SCN7A: variants seen among roughly 807,000 people sequenced by gnomAD.
SCN7A encodes the protein sodium channel protein type 7 subunit alpha.
In SCN7A, 138 loss-of-function variants were observed where a neutral mutation model predicts 155.2. The observed-to-expected ratio is 0.89, with a 90% CI of 0.77 to 1.02. The LOEUF (loss-of-function observed/expected upper bound fraction) is 1.02. SCN7A is among the 50% of genes least tolerant of loss of function. The pLI, the probability that SCN7A is intolerant of heterozygous loss-of-function variation, is 0.00. For missense variants in SCN7A, 2,058 were observed against 1,986.6 expected (o/e 1.04, Z -0.68); for synonymous variants, 693 against 649.0 (o/e 1.07, Z -1.03).
intron 9 of SCN7A, among the ~76,000 whole-genome samples, chr2:166,464,127 C>T (rs570557610): frequency 2.7e-5 from 4 of 150,056 alleles, no homozygotes; most frequent in South Asian, 4.2e-4. Context: ...TGTATATATA[C>T]GTATATATAC....
At chr2:166,483,953 C>T (rs1002012343) in intron 2 of SCN7A, among the ~76,000 whole-genome samples, 3 of 151,828 alleles carry the variant, frequency 2.0e-5, no homozygotes, top group African/African-American at 4.8e-5. Context: ...TATAGTACAT[C>T]CTTAAAAGGA....
chr2:166,448,109 C>G (rs1702105393), intron 11 of SCN7A, among the ~76,000 whole-genome samples: 1 of 151,990 alleles, frequency 6.6e-6, no homozygotes, highest in Admixed American at 6.6e-5. Flanking sequence ...TCTTCATACC[C>G]CCTCATACAT....
chr2:166,462,433 A>G lies in SCN7A; in HGVS notation c.1039T>C (p.Phe347Leu). The G allele has an allele frequency of 6.2e-7, 1 of 1,609,390 alleles. No individual in the cohort carries two copies. Among genetic ancestry groups the G allele is most frequent in the Non-Finnish European group, 8.5e-7 (1 of 1,177,618 alleles). The change falls in exon 10 of 26, where the codon TTT becomes CTT. Residue 347 changes from phenylalanine (F) to leucine (L), a missense_variant. Phe to Leu is a conservative substitution (Grantham distance 22). Transcript: ENST00000643258. Reference protein sequence around the residue: ...DSFGWALFALFRLMAQDYPEV... With the variant: ...DSFGWALFALLRLMAQDYPEV... ...GGGTAATCCTGAGCCATTAACCGAAATAGGGCAAATAAGGCCCAGCCAAAA... is the reference window on the plus strand; with the variant it reads ...GGGTAATCCTGAGCCATTAACCGAAGTAGGGCAAATAAGGCCCAGCCAAAA...
intron 11 of SCN7A, among the ~76,000 whole-genome samples, chr2:166,455,808 G>A (rs1316165150): frequency 1.3e-5 from 2 of 152,052 alleles, no homozygotes; most frequent in African/African-American, 4.8e-5. Context: ...ATAATCATGT[G>A]GTTTTTGCCA....
At chr2:166,458,429 AT>A (rs1702332517) in intron 10 of SCN7A, among the ~76,000 whole-genome samples, 1 of 152,096 alleles carries the variant, frequency 6.6e-6, no homozygotes, top group South Asian at 2.1e-4. Context: ...CCAACCACGC[AT>A]CAAAACTATA....
At position 166,412,510 on chromosome 2, in the gene SCN7A, C is replaced by A; in HGVS notation, c.3606+20G>T. ...CTGATTTTCTCAGACATTGGATAAA[C>A]AAATAATATTTATACTTATCTTTAT... is the stretch of plus-strand genomic sequence containing the variant. On this transcript the variant is annotated intron_variant, in intron 23 of 25. Coordinates refer to ENST00000643258, the MANE Select transcript of SCN7A (RefSeq NM_002976.4). The A allele has an allele frequency of 7.1e-7, 1 of 1,402,334 alleles. No individual in the cohort carries two copies. Among genetic ancestry groups the A allele is most frequent in the Non-Finnish European group, 9.3e-7 (1 of 1,078,018 alleles). 86.9% of individuals were successfully genotyped at this position (1,402,334 alleles called of 1,614,324 possible).
chr2:166,416,859 T>G lies in SCN7A; in HGVS notation c.3262A>C (p.Ile1088Leu), dbSNP rs1400313302. 3 of 1,613,598 alleles carry G rather than the reference T, an allele frequency of 1.9e-6. No homozygotes were observed. The highest frequency in any genetic ancestry group is 1.7e-5 in the Admixed American group (1 of 59,976). ...AACCTTTCTCCACTTGTTGGGTCAA[T>G]GCATTCATAGAATCTGCCAGCAAAT... is the stretch of plus-strand genomic sequence containing the variant. Reference protein sequence around the residue: ...DLFAGRFYECIDPTSGERFPS... With the variant: ...DLFAGRFYECLDPTSGERFPS... Residue 1088 changes from isoleucine (I) to leucine (L), a missense_variant, in exon 21 of 26, where the codon ATT (isoleucine) becomes CTT (leucine). Coordinates refer to ENST00000643258, the MANE Select transcript of SCN7A (RefSeq NM_002976.4).
Position 166,442,034 on chromosome 2 carries a change from T to C in SCN7A, c.1801-282A>G, listed in dbSNP as rs138285759. ...TCCTCTAGCTTTATATTTTATTAAC[T>C]GTTAGGGCAAGTATCCATTCTTTGT... On this transcript the variant is annotated intron_variant, in intron 14 of 25. Coordinates refer to ENST00000643258, the MANE Select transcript of SCN7A (RefSeq NM_002976.4). 1.9e-4 allele frequency among the ~76,000 whole-genome samples: 29 copies of C among 152,322 alleles called. 1 individual carries two copies. Among genetic ancestry groups the C allele is most frequent in the African/African-American group, 6.5e-4 (27 of 41,578 alleles).
At chr2:166,424,968 G>A (rs1004430211) in intron 18 of SCN7A, among the ~76,000 whole-genome samples, 1 of 151,920 alleles carries the variant, frequency 6.6e-6, no homozygotes, top group African/African-American at 2.4e-5. Flanking sequence ...AGCCCTTCTG[G>A]AGAACTGCCT....
At position 166,417,030 on chromosome 2, in the gene SCN7A, C is replaced by A. The variant is rs1374284615; in HGVS notation, c.3136-45G>T. The A allele has an allele frequency of 4.2e-6, 6 of 1,424,666 alleles. No individual in the cohort carries two copies. The Admixed American group carries it at 1.6e-4, about 37-fold the overall frequency. 88.3% of individuals were successfully genotyped at this position (1,424,666 alleles called of 1,614,324 possible). A position where few individuals can be genotyped will look rare whatever the true frequency, so the allele number is the denominator to read the frequency against. On this transcript the variant is annotated intron_variant, in intron 20 of 25. Transcript: ENST00000643258. The stretch of plus-strand genomic sequence containing the variant: ...TAAACTTTAGATAGGAAATCTGAAA[C>A]TGTTTTAGTTTTTGATCAGTTTGAA...
chr2:166,454,443 C>T (rs1226762828), intron 11 of SCN7A, among the ~76,000 whole-genome samples: 2 of 152,156 alleles, frequency 1.3e-5, no homozygotes, highest in African/African-American at 2.4e-5. Flanking sequence ...TACATCATGT[C>T]GTTCAGATTC....
intron 2 of SCN7A, among the ~76,000 whole-genome samples, chr2:166,483,718 C>A (rs1179667059): frequency 6.6e-6 from 1 of 151,798 alleles, no homozygotes; most frequent in African/African-American, 2.4e-5. Flanking sequence ...AACACTCAAA[C>A]TTTTTTGATC....
At chr2:166,413,981 G>GTGTGTATATATATATATA (rs1553513525) in intron 21 of SCN7A, among the ~76,000 whole-genome samples, 1 of 53,526 alleles carries the variant, frequency 1.9e-5, no homozygotes, top group African/African-American at 7.4e-5. Flanking sequence ...ATGTGTATGT[G>GTGTGTATATATATATATA]TATATATATA....
intron 15 of SCN7A, among the ~76,000 whole-genome samples, chr2:166,439,275 C>A (rs533937645): frequency 4.6e-5 from 7 of 151,858 alleles, no homozygotes; most frequent in Admixed American, 3.3e-4. Flanking sequence ...GAGCTATGAA[C>A]AGTTTAACAT....
At chr2:166,435,268 A>G (rs1270214225) in intron 15 of SCN7A, among the ~76,000 whole-genome samples, 1 of 152,128 alleles carries the variant, frequency 6.6e-6, no homozygotes, top group African/African-American at 2.4e-5. Context: ...TAAGTGGCGC[A>G]AGTTACAGAG....
chr2:166,484,917 A>G (rs557659954), intron 2 of SCN7A, among the ~76,000 whole-genome samples: 88 of 152,232 alleles, frequency 5.8e-4, no homozygotes, highest in South Asian at 1.5e-3. Context: ...GAAGGAATGA[A>G]GAGGATGAAA....
chr2:166,455,111 G>A (rs956586553), intron 11 of SCN7A, among the ~76,000 whole-genome samples: 5 of 152,098 alleles, frequency 3.3e-5, no homozygotes, highest in Admixed American at 1.3e-4. Flanking sequence ...TTTTATTTCT[G>A]TCTACAACTT....
At chr2:166,419,191 C>T (rs552098977) in intron 20 of SCN7A, among the ~76,000 whole-genome samples, 200 of 151,948 alleles carry the variant, frequency 1.3e-3, no homozygotes, top group African/African-American at 4.5e-3. Flanking sequence ...GGTATTATCC[C>T]GTTTTTTGAA....
intron 21 of SCN7A, among the ~76,000 whole-genome samples, chr2:166,414,271 C>CATATATAT (rs1177888543): frequency 3.6e-4 from 10 of 27,752 alleles, no homozygotes; most frequent in African/African-American, 3.7e-4. Flanking sequence ...TATACACACA[C>CATATATAT]ATATATATAT....
Sources: allele counts gnomAD v4.1 joint callset (sites outside exome capture counted in the v4.1 genomes callset), GRCh38; gene constraint gnomAD v4.1.1; transcripts MANE v1.5; gene names NCBI Gene and HGNC (gene_info 2026-07-23, HGNC 2026-07-21).